SF1: variants seen among roughly 807,000 people sequenced by gnomAD.
The protein encoded by SF1 is splicing factor 1.
Under a neutral mutation model 62.5 loss-of-function variants are expected in SF1, and 7 were observed. That is an observed-to-expected ratio of 0.11 (90% CI 0.06 to 0.21). SF1 has a LOEUF of 0.21. SF1 is among the 10% of genes least tolerant of loss of function. SF1 has a pLI of 1.00. For synonymous variants in SF1, 394 were observed against 323.6 expected, an observed-to-expected ratio of 1.22 and a Z score of -2.33; for missense variants, 578 against 884.0, an observed-to-expected ratio of 0.65 and a Z score of 4.39.
At position 64,767,062 on chromosome 11, in the gene SF1, G is replaced by T. The variant is rs775527594; in HGVS notation, c.1420C>A (p.Pro474Thr). 18 of 1,584,236 alleles carry T rather than the reference G, an allele frequency of 1.1e-5. No homozygotes were observed. Among genetic ancestry groups the T allele is most frequent in the Non-Finnish European group, 1.5e-5 (17 of 1,162,690 alleles). The change falls in exon 12 of 13, where the codon CCT becomes ACT. Residue 474 changes from proline (P) to threonine (T), a missense_variant. Coordinates refer to ENST00000377390, the MANE Select transcript of SF1 (RefSeq NM_004630.4). ...GGCGGCGGCGGCATCATGCCCATAG[G>T]TGGTGGCGGCATCATACCTGTGGAC... The part of the protein sequence containing the change: ...HQGKGMMPPP[P>T]MGMMPPPPPP...
chr11:64,772,310 T>C (rs1186370809), intron 3 of SF1: 1 of 983,926 alleles, frequency 1.0e-6, no homozygotes, highest in South Asian at 4.7e-5. Context: ...GTCTATGACC[T>C]ACAATGTAAA....
At chr11:64,778,299 G>C in intron 1 of SF1, 63 bp downstream of exon 1, 1 of 1,219,154 alleles carries the variant, frequency 8.2e-7, no homozygotes, top group Non-Finnish European at 1.0e-6. Context: ...GCAGGCGGAG[G>C]GCCCGGCTCG....
At chr11:64,771,399 A>C in intron 3 of SF1, 1 of 921,294 alleles carries the variant, frequency 1.1e-6, no homozygotes, top group Non-Finnish European at 1.3e-6. Context: ...AGCTGCAAGA[A>C]GGGAAGAGAC....
chr11:64,776,758 T>C (rs1340584156), intron 1 of SF1, 132 bp from the exon 2 acceptor site: 1 of 839,748 alleles, frequency 1.2e-6, no homozygotes, highest in Non-Finnish European at 1.8e-6. Flanking sequence ...ACTTAAACAT[T>C]AAAAAAACAG....
Position 64,769,552 on chromosome 11 carries a change from C to A in SF1, c.537G>T (p.Gly179=), listed in dbSNP as rs1174539898. 1 of 1,614,134 alleles carries A rather than the reference C, an allele frequency of 6.2e-7. No homozygotes were observed. The highest frequency in any genetic ancestry group is 8.5e-7 in the Non-Finnish European group (1 of 1,180,002). ...KECNAKIMIR[G]KGSVKEGKVG... The stretch of plus-strand genomic sequence containing the variant: ...CCTTCCCTTCTTTCACAGACCCTTT[C>A]CCCCGGATCATAATCTTGGCATTGC... Residue 179 remains glycine (G), a synonymous_variant, in exon 6 of 13, where the codon GGG becomes GGT. Coordinates refer to ENST00000377390, the MANE Select transcript of SF1 (RefSeq NM_004630.4).
At chr11:64,777,425 A>C (rs561398160) in intron 1 of SF1, 52 of 884,436 alleles carry the variant, frequency 5.9e-5, no homozygotes, top group South Asian at 3.1e-4. Flanking sequence ...TTTAAAAAAA[A>C]AAACAAACTA....
chr11:64,770,945 GGAGA>G (rs1334420441), intron 3 of SF1, among the ~76,000 whole-genome samples: 1 of 152,176 alleles, frequency 6.6e-6, no homozygotes, highest in Non-Finnish European at 1.5e-5. Flanking sequence ...CCCCCACAAT[GGAGA>G]GAGATGGTTC....
rs2058561049 is a variant in SF1 at position 64,765,263 on chromosome 11, G to T, written c.*555C>A. The T allele has an allele frequency of 7.5e-6, 4 of 536,212 alleles. No homozygotes were observed. The highest frequency in any genetic ancestry group is 1.0e-5 in the Non-Finnish European group (3 of 297,068). The allele number at this position is 536,212 out of a possible 1,614,324, so 33.2% of individuals were successfully genotyped here. Reference sequence around the variant, plus strand: ...CTAAATTGCAGCAGAAGACCGGGGAGAGCATCTCCTTGGACGGAGTCTGAA... The same window carrying T: ...CTAAATTGCAGCAGAAGACCGGGGATAGCATCTCCTTGGACGGAGTCTGAA... On this transcript the variant is annotated 3_prime_UTR_variant, in exon 13 of 13. Transcript: ENST00000377390.
chr11:64,778,264 C>T (rs1829758978), intron 1 of SF1, 98 bp downstream of exon 1: 1 of 1,205,578 alleles, frequency 8.3e-7, no homozygotes, highest in African/African-American at 1.6e-5. Context: ...GCCCGGGAGC[C>T]AGCAGCCCCG....
In SF1 at chr11:64,766,988, G is replaced by A. The variant is rs374938780; in HGVS notation, c.1494C>T (p.Pro498=). ...QPPPPPSGPL[P]PWQQQQQQPP... ...GCTGCTGCTGCTGTTGTTGCCATGG[G>A]GGAAGAGGACCAGAGGGAGGGGGTG... Residue 498 remains proline (P), a synonymous_variant, in exon 12 of 13, where the codon CCC becomes CCT. Transcript: ENST00000377390. 7.8e-5 allele frequency: 119 copies of A among 1,517,458 alleles called. No individual in the cohort carries two copies. In the African/African-American group the frequency reaches 1.4e-3, roughly 18 times the overall value. 94.0% of individuals were successfully genotyped at this position (1,517,458 alleles called of 1,614,324 possible).
intron 3 of SF1, chr11:64,772,738 G>A: frequency 1.0e-6 from 1 of 985,260 alleles, no homozygotes; most frequent in Non-Finnish European, 1.2e-6. Flanking sequence ...ATTTTTCTGA[G>A]GTGAGAGAAA....
Position 64,776,489 on chromosome 11 carries a change from T to C in SF1, c.160+9A>G. 1 of 1,563,760 alleles carries C rather than the reference T, an allele frequency of 6.4e-7. No homozygotes were observed. The highest frequency in any genetic ancestry group is 8.6e-7 in the Non-Finnish European group (1 of 1,160,606). The stretch of plus-strand genomic sequence containing the variant: ...TCAAAGTGCATTTGGATGCAGAACG[T>C]ATATTTACCTATATAAGCTCTTTCT... On this transcript the variant is annotated intron_variant, in intron 2 of 12. Transcript: ENST00000377390.
chr11:64,765,956 GCCGGCGGAACCAGGCGGT>G lies in SF1; in HGVS notation c.1764_1781del (p.Pro589_Gly594del). Reference sequence around the variant, plus strand: ...GAGGAGGGGGCGGGGCATACATCATGCCGGCGGAACCAGGCGGTGGAGGCGGCGGAGGGGGAGGGGCCC... The same window carrying G: ...GAGGAGGGGGCGGGGCATACATCATGGGAGGCGGCGGAGGGGGAGGGGCCC... On this transcript the variant is annotated inframe_deletion, in exon 13 of 13. Transcript: ENST00000377390. 6.3e-7 allele frequency: 1 copy of G among 1,586,172 alleles called. No individual in the cohort carries two copies. The highest frequency in any genetic ancestry group is 8.6e-7 in the Non-Finnish European group (1 of 1,166,330).
At chr11:64,776,730 C>A in intron 1 of SF1, 104 bp from the exon 2 acceptor site, 1 of 1,123,076 alleles carries the variant, frequency 8.9e-7, no homozygotes, top group East Asian at 2.6e-5. Flanking sequence ...GACTGTGAAG[C>A]TGAGAGCTTA....
chr11:64,778,056 G>A (rs1939661204), intron 1 of SF1: 1 of 1,007,380 alleles, frequency 9.9e-7, no homozygotes, highest in South Asian at 4.5e-5. Flanking sequence ...GGCTGCGGCG[G>A]CGACACGCGC....
intron 2 of SF1, among the ~76,000 whole-genome samples, chr11:64,773,906 G>A (rs1309719552): frequency 6.6e-6 from 1 of 152,112 alleles, no homozygotes; most frequent in African/African-American, 2.4e-5. Flanking sequence ...TTACTTGAGG[G>A]CAAGAATTGA....
In SF1 at chr11:64,767,340, C is replaced by T. The variant is rs1202413167; in HGVS notation, c.1343-89G>A. 38 of 1,331,720 alleles carry T rather than the reference C, an allele frequency of 2.9e-5. 1 individual carries two copies. Among genetic ancestry groups the T allele is most frequent in the Middle Eastern group, 1.8e-4 (1 of 5,482 alleles). 82.5% of individuals were successfully genotyped at this position (1,331,720 alleles called of 1,614,324 possible). A position where few individuals can be genotyped will look rare whatever the true frequency, so the allele number is the denominator to read the frequency against. ...GTGATAACCTCAGTTGCTATCCTTA[C>T]GCGAGTTCTGAAAACCATGCCTGTA... On this transcript the variant is annotated intron_variant, in intron 10 of 12. Transcript: ENST00000377390.
intron 3 of SF1, chr11:64,772,786 C>T: frequency 1.0e-6 from 1 of 985,276 alleles, no homozygotes; most frequent in Non-Finnish European, 1.2e-6. Context: ...CTGTTTGAGG[C>T]CCACGCTCCC....
chr11:64,766,378 T>C (rs1246899932), intron 12 of SF1: 4 of 572,508 alleles, frequency 7.0e-6, no homozygotes, highest in Non-Finnish European at 1.2e-5. Flanking sequence ...AAGCCCTTTG[T>C]CACCAATGCC....
Sources: allele counts gnomAD v4.1 joint callset (sites outside exome capture counted in the v4.1 genomes callset), GRCh38; gene constraint gnomAD v4.1.1; transcripts MANE v1.5; gene names NCBI Gene and HGNC (gene_info 2026-07-23, HGNC 2026-07-21).